The following ARHGAP35 variants were observed in gnomAD, a reference collection of about 807,000 sequenced individuals.
The protein encoded by ARHGAP35 is Rho GTPase activating protein 35, also known as rho GTPase-activating protein 35.
In ARHGAP35, 15 loss-of-function variants were observed where a neutral mutation model predicts 111.1. The observed-to-expected ratio is 0.13, with a 90% CI of 0.09 to 0.21. ARHGAP35 has a LOEUF of 0.21. Among genes scored for constraint, ARHGAP35 ranks in the 10% least tolerant of loss-of-function variants. The probability of loss-of-function intolerance (pLI) is 1.00; values close to 1 mark genes in which losing one functional copy is unlikely to be tolerated. For missense variants in ARHGAP35, 1,262 were observed against 1,873.0 expected, an observed-to-expected ratio of 0.67 and a Z score of 6.02; for synonymous variants, 643 against 710.3, an observed-to-expected ratio of 0.91 and a Z score of 1.51.
chr19:46,953,263 G>A (rs2056422266), intron 3 of ARHGAP35, among the ~76,000 whole-genome samples: 1 of 152,168 alleles, frequency 6.6e-6, no homozygotes, highest in African/African-American at 2.4e-5. Flanking sequence ...GGAAAAAAAT[G>A]AAGCAGGAAA....
At chr19:46,983,340 G>A (rs2056631369) in intron 3 of ARHGAP35, among the ~76,000 whole-genome samples, 1 of 152,146 alleles carries the variant, frequency 6.6e-6, no homozygotes, top group South Asian at 2.1e-4. Context: ...CCAGTCTGGA[G>A]GGGTTATTGT....
At chr19:46,998,666 C>T (rs976307686) in intron 5 of ARHGAP35, among the ~76,000 whole-genome samples, 8 of 152,256 alleles carry the variant, frequency 5.3e-5, no homozygotes, top group Admixed American at 6.5e-5. Flanking sequence ...TTACAAGCTG[C>T]ATTCCAGGCA....
chr19:46,875,540 A>ATTGTTAGT (rs2055913978), intron 1 of ARHGAP35, among the ~76,000 whole-genome samples: 2 of 152,082 alleles, frequency 1.3e-5, no homozygotes, highest in Non-Finnish European at 2.9e-5. Context: ...GTTAGTTTTC[A>ATTGTTAGT]TTTGCATCTT....
chr19:46,998,455 T>G (rs1325206875), intron 5 of ARHGAP35, among the ~76,000 whole-genome samples: 1 of 152,210 alleles, frequency 6.6e-6, no homozygotes. Context: ...GGGACGTTTG[T>G]GCCTCACCAG....
chr19:46,927,604 C>T (rs747755383), intron 2 of ARHGAP35, among the ~76,000 whole-genome samples: 22 of 152,158 alleles, frequency 1.4e-4, no homozygotes, highest in Non-Finnish European at 2.4e-4. Flanking sequence ...GCTGTGGCTA[C>T]CACGTGAAGG....
chr19:46,864,052 G>T (rs1045785284), intron 1 of ARHGAP35, among the ~76,000 whole-genome samples: 7 of 152,258 alleles, frequency 4.6e-5, no homozygotes, highest in Admixed American at 1.3e-4. Flanking sequence ...ATCCATGCTA[G>T]ATTCTGGGGC....
At chr19:46,978,515 ATGGGATGTGTGTGTGTGG>A (rs1184081318) in intron 3 of ARHGAP35, among the ~76,000 whole-genome samples, 29 of 112,938 alleles carry the variant, frequency 2.6e-4, no homozygotes, top group East Asian at 1.2e-3. Context: ...GGCGTGTGTG[ATGGGATGTGTGTGTGTGG>A]TGGGATGTGT....
Position 46,989,077 on chromosome 19 carries a change from A to C in ARHGAP35, c.3905-467A>C, listed in dbSNP as rs1442964363. 1 of 165,798 alleles carries C rather than the reference A, an allele frequency of 6.0e-6. No homozygotes were observed. Among genetic ancestry groups the C allele is most frequent in the Non-Finnish European group, 1.3e-5 (1 of 75,058 alleles). The allele number at this position is 165,798 out of a possible 1,614,324, so 10.3% of individuals were successfully genotyped here. On this transcript the variant is annotated intron_variant, in intron 4 of 6. Transcript: ENST00000672722. The surrounding 1 kb of genome is among the most constrained non-coding windows in gnomAD (Gnocchi z 5.3). ...CCTGTGGCTGGGAAGGGCCAGAGAG[A>C]GAAAAAATGAGCCTATTTGCCCTCC...
intron 3 of ARHGAP35, among the ~76,000 whole-genome samples, chr19:46,966,121 A>G (rs1216061918): frequency 6.6e-6 from 1 of 151,846 alleles, no homozygotes; most frequent in African/African-American, 2.4e-5. Flanking sequence ...CATATGTGAT[A>G]TTTTCTATTG....
chr19:46,959,647 G>A (rs934753073), intron 3 of ARHGAP35, among the ~76,000 whole-genome samples: 12 of 151,664 alleles, frequency 7.9e-5, no homozygotes, highest in Admixed American at 3.3e-4. Flanking sequence ...TGATCCACCC[G>A]CCTCAGCCTC....
In ARHGAP35 at chr19:46,926,690, T is replaced by A. The variant is rs963142338; in HGVS notation, c.3681+4334T>A. On this transcript the variant is annotated intron_variant, in intron 2 of 6. Transcript: ENST00000672722. The surrounding 1 kb of genome is among the most constrained non-coding windows in gnomAD (Gnocchi z 4.1). ...TCTTTCACTCACTGCAGCAACCACA[T>A]GACAAGACAACCTATTGAAAAGCTA... Among the ~76,000 whole-genome samples, 1 of 152,036 alleles carries A rather than the reference T, an allele frequency of 6.6e-6. No homozygotes were observed. Among genetic ancestry groups the A allele is most frequent in the Admixed American group, 6.5e-5 (1 of 15,276 alleles).
chr19:46,997,607 G>T (rs1346723292), intron 5 of ARHGAP35: 1 of 152,204 alleles, frequency 6.6e-6, no homozygotes, highest in Admixed American at 6.5e-5. Context: ...GGCCGGATTT[G>T]TACCAGGGCC....
chr19:46,911,471 T>C (rs2122182055), intron 1 of ARHGAP35, among the ~76,000 whole-genome samples: 1 of 152,362 alleles, frequency 6.6e-6, no homozygotes, highest in East Asian at 1.9e-4. Context: ...GTTCAGTCCT[T>C]AATTCCAAAG....
chr19:46,894,694 C>T (rs1386911761), intron 1 of ARHGAP35, among the ~76,000 whole-genome samples: 1 of 152,170 alleles, frequency 6.6e-6, no homozygotes, highest in Non-Finnish European at 1.5e-5. Flanking sequence ...GATCTGCCCG[C>T]CTCAGCCTCC....
chr19:46,940,649 G>A (rs1254366167), intron 3 of ARHGAP35, among the ~76,000 whole-genome samples: 5 of 149,718 alleles, frequency 3.3e-5, no homozygotes, highest in African/African-American at 7.4e-5. Flanking sequence ...TAGAGATGGG[G>A]TTTCTGTGTT....
Position 47,000,707 on chromosome 19 carries a change from G to T in ARHGAP35, c.*19G>T. 6.5e-7 allele frequency: 1 copy of T among 1,550,086 alleles called. No individual in the cohort carries two copies. On this transcript the variant is annotated 3_prime_UTR_variant, in exon 7 of 7. Coordinates refer to ENST00000672722, the MANE Select transcript of ARHGAP35 (RefSeq NM_004491.5). The surrounding 1 kb of genome is among the most constrained non-coding windows in gnomAD (Gnocchi z 6.9). ...GCTGTGAGCCACCAAGACCTGGGGC[G>T]ACAGGAGAACCGGTCCTCTCTCTGA...
chr19:46,985,429 G>C (rs1176611115), intron 3 of ARHGAP35, among the ~76,000 whole-genome samples: 1 of 152,186 alleles, frequency 6.6e-6, no homozygotes, highest in African/African-American at 2.4e-5. Context: ...CTTGAGCCAG[G>C]TGTCTTCTGG....
At chr19:46,931,290 C>T (rs1051157278) in intron 2 of ARHGAP35, among the ~76,000 whole-genome samples, 1 of 152,162 alleles carries the variant, frequency 6.6e-6, no homozygotes. Flanking sequence ...CACGTCAGGC[C>T]CTGGAACCCA....
intron 1 of ARHGAP35, among the ~76,000 whole-genome samples, chr19:46,900,887 C>T (rs1360817440): frequency 6.6e-6 from 1 of 152,218 alleles, no homozygotes; most frequent in Non-Finnish European, 1.5e-5. Flanking sequence ...TGCTCCCACG[C>T]CTCCTGCTCA....
Sources: allele counts gnomAD v4.1 joint callset (sites outside exome capture counted in the v4.1 genomes callset), GRCh38; gene constraint gnomAD v4.1.1; non-coding constraint Gnocchi (gnomAD v3.1); transcripts MANE v1.5; gene names NCBI Gene and HGNC (gene_info 2026-07-23, HGNC 2026-07-21).